UGT1A5: variants seen among roughly 807,000 people sequenced by gnomAD.
The protein encoded by UGT1A5 is UDP-glucuronosyltransferase 1A5.
A neutral mutation model predicts 40.3 loss-of-function variants in UGT1A5; 29 were observed. That is an observed-to-expected ratio of 0.72 (90% CI 0.54 to 0.98). The LOEUF (loss-of-function observed/expected upper bound fraction) is 0.98, where lower values mean the gene tolerates loss of function less well. Ranked by LOEUF, UGT1A5 falls within the 50% of genes least tolerant of loss-of-function variation. The probability of loss-of-function intolerance (pLI) is 0.00; values close to 1 mark genes in which losing one functional copy is unlikely to be tolerated. For synonymous variants in UGT1A5, 257 were observed against 262.5 expected, an observed-to-expected ratio of 0.98 and a Z score of 0.20; for missense variants, 678 against 677.9, an observed-to-expected ratio of 1.00 and a Z score of 0.00.
chr2:233,735,517 G>A (rs2078663232), intron 1 of UGT1A5, among the ~76,000 whole-genome samples: 1 of 152,112 alleles, frequency 6.6e-6, no homozygotes, highest in Non-Finnish European at 1.5e-5. Context: ...TACATTTAAG[G>A]TAAATATTGT....
intron 1 of UGT1A5, chr2:233,747,790 A>G (rs1394158635): frequency 2.0e-5 from 32 of 1,613,372 alleles, no homozygotes; most frequent in Non-Finnish European, 2.6e-5. Flanking sequence ...CCTTCCTCCT[A>G]TATTCCTAAG....
At chr2:233,761,193 A>C (rs764178788) in intron 1 of UGT1A5, 1 of 1,614,148 alleles carries the variant, frequency 6.2e-7, no homozygotes, top group Non-Finnish European at 8.5e-7. Flanking sequence ...ATATTCTTTC[A>C]GATGTATTAC....
chr2:233,767,688 C>T (rs1214650284), intron 2 of UGT1A5, among the ~76,000 whole-genome samples, 161 bp from the exon 3 acceptor site: 2 of 152,144 alleles, frequency 1.3e-5, no homozygotes, highest in Non-Finnish European at 2.9e-5. Context: ...AACAAGATGC[C>T]GGAAGTTGCC....
intron 1 of UGT1A5, chr2:233,747,993 T>G: frequency 6.2e-7 from 1 of 1,613,560 alleles, no homozygotes; most frequent in Non-Finnish European, 8.5e-7. Context: ...CCGAGGGGAC[T>G]TTGTGATGGA....
intron 1 of UGT1A5, among the ~76,000 whole-genome samples, chr2:233,757,643 G>A (rs955610345): frequency 6.7e-6 from 1 of 150,102 alleles, no homozygotes; most frequent in African/African-American, 2.5e-5. Context: ...AGAACAAAAT[G>A]CTGTTTTTCT....
At position 233,769,359 on chromosome 2, in the gene UGT1A5, C is replaced by T. The variant is rs1218131588; in HGVS notation, c.1307+920C>T. 6.6e-6 allele frequency among the ~76,000 whole-genome samples: 1 copy of T among 152,174 alleles called. No individual in the cohort carries two copies. Among genetic ancestry groups the T allele is most frequent in the Non-Finnish European group, 1.5e-5 (1 of 68,040 alleles). On this transcript the variant is annotated intron_variant, in intron 4 of 4. Transcript: ENST00000373414. The surrounding 1 kb of genome is among the most constrained non-coding windows in gnomAD (Gnocchi z 4.4). ...AGAACCTTATGGGAAGAAGTGGTGG[C>T]CAGTGGTAGATTTCATCCGACAATA...
chr2:233,743,573 A>G (rs765598613), intron 1 of UGT1A5: 1 of 1,367,260 alleles, frequency 7.3e-7, no homozygotes, highest in South Asian at 1.1e-5. Context: ...CGGGTTTCCC[A>G]AGAGGTCAAA....
rs753419237 is a variant in UGT1A5, at chr2:233,719,511, T to C, written c.867+5653T>C. The C allele has an allele frequency of 5.6e-6, 9 of 1,613,954 alleles. No individual in the cohort carries two copies. The South Asian group carries it at 8.8e-5, about 16-fold the overall frequency. On this transcript the variant is annotated intron_variant, in intron 1 of 4. Coordinates refer to ENST00000373414, the MANE Select transcript of UGT1A5 (RefSeq NM_019078.2). ...CATTTGCCATACTTTTTCTGCCCCTTATGCAAGTCTTGCCTCTGAGCTTTT... is the reference window on the plus strand; with the variant it reads ...CATTTGCCATACTTTTTCTGCCCCTCATGCAAGTCTTGCCTCTGAGCTTTT...
At chr2:233,764,379 G>A (rs1698547509) in intron 1 of UGT1A5, among the ~76,000 whole-genome samples, 1 of 152,204 alleles carries the variant, frequency 6.6e-6, no homozygotes, top group South Asian at 2.1e-4. Flanking sequence ...TCAGGTAGGA[G>A]TTGGCCGTGA....
At chr2:233,733,344 T>A (rs1194194853) in intron 1 of UGT1A5, among the ~76,000 whole-genome samples, 4 of 152,230 alleles carry the variant, frequency 2.6e-5, no homozygotes, top group African/African-American at 9.6e-5. Flanking sequence ...TCCAACAGTA[T>A]GTTGAGTAGG....
intron 4 of UGT1A5, chr2:233,771,305 T>TC (rs1482676837): frequency 1.3e-5 from 2 of 152,218 alleles, no homozygotes. Context: ...TTCCTCCTCC[T>TC]TTTCCCTCTC....
intron 1 of UGT1A5, chr2:233,747,471 G>A (rs1218539477): frequency 1.9e-5 from 31 of 1,608,712 alleles, no homozygotes; most frequent in Non-Finnish European, 2.4e-5. Context: ...ATGGACCCAG[G>A]ATGAATTTGA....
chr2:233,736,858 C>G (rs2078820819), intron 1 of UGT1A5, among the ~76,000 whole-genome samples: 1 of 152,192 alleles, frequency 6.6e-6, no homozygotes, highest in South Asian at 2.1e-4. Flanking sequence ...GGCTGCAGAA[C>G]AGCAAATATT....
In UGT1A5 at chr2:233,743,578, G is replaced by T. The variant is rs1397276736; in HGVS notation, c.868-23456G>T. The T allele has an allele frequency of 3.7e-6, 5 of 1,367,200 alleles. No homozygotes were observed. The Admixed American group carries it at 9.5e-5, about 26-fold the overall frequency. The allele number at this position is 1,367,200 out of a possible 1,614,324, so 84.7% of individuals were successfully genotyped here. On this transcript the variant is annotated intron_variant, in intron 1 of 4. Transcript: ENST00000373414. ...TATTCTCCAGCGGGTTTCCCAAGAGGTCAAAGGAGAATGGGTCCTGGCCGC... is the reference window on the plus strand; with the variant it reads ...TATTCTCCAGCGGGTTTCCCAAGAGTTCAAAGGAGAATGGGTCCTGGCCGC...
rs927905587 is a variant in UGT1A5 at position 233,772,883 on chromosome 2, C to G, written c.*324C>G. The G allele has an allele frequency of 7.2e-6, 4 of 557,122 alleles. No homozygotes were observed. Among genetic ancestry groups the G allele is most frequent in the Admixed American group, 7.5e-5 (2 of 26,828 alleles). 34.5% of individuals were successfully genotyped at this position (557,122 alleles called of 1,614,324 possible). Reference sequence around the variant, plus strand: ...ATGGCCTGTTTGGGAGTGCGGGATTCAAAGGTGGTCCCACGGCTGCCCCTA... The same window carrying G: ...ATGGCCTGTTTGGGAGTGCGGGATTGAAAGGTGGTCCCACGGCTGCCCCTA... On this transcript the variant is annotated 3_prime_UTR_variant, in exon 5 of 5. Transcript: ENST00000373414.
chr2:233,753,691 A>T (rs900061019), intron 1 of UGT1A5: 1 of 152,228 alleles, frequency 6.6e-6, no homozygotes, highest in African/African-American at 2.4e-5. Context: ...ACAATATTAC[A>T]GATGCACTTG....
chr2:233,724,904 G>C (rs1208234337), intron 1 of UGT1A5, among the ~76,000 whole-genome samples: 2 of 139,120 alleles, frequency 1.4e-5, no homozygotes. Context: ...TCCAGCCTGG[G>C]CACCATTGAG....
rs756280025 is a variant in UGT1A5, at chr2:233,723,536, T to TAA, written c.867+9679_867+9680dup. 2.4e-4 allele frequency among the ~76,000 whole-genome samples: 29 copies of TAA among 121,476 alleles called. 1 individual carries two copies. Among genetic ancestry groups the TAA allele is most frequent in the South Asian group, 1.3e-3 (4 of 3,196 alleles). The allele number at this position is 121,476 out of a possible 152,430, so 79.7% of individuals were successfully genotyped here. ...ACAATCTTTTTTTTTTTTTTTTTTTTAATTTATTTTTTTATTGATAATTCT... is the reference window on the plus strand; with the variant it reads ...ACAATCTTTTTTTTTTTTTTTTTTTTAAAATTTATTTTTTTATTGATAATTCT... On this transcript the variant is annotated intron_variant, in intron 1 of 4. Transcript: ENST00000373414.
chr2:233,729,421 C>T (rs1041783998), intron 1 of UGT1A5: 2 of 1,613,652 alleles, frequency 1.2e-6, no homozygotes, highest in Non-Finnish European at 1.7e-6. Context: ...CCACACTCAA[C>T]TGTACTTTGA....
Sources: allele counts gnomAD v4.1 joint callset (sites outside exome capture counted in the v4.1 genomes callset), GRCh38; gene constraint gnomAD v4.1.1; non-coding constraint Gnocchi (gnomAD v3.1); transcripts MANE v1.5; gene names NCBI Gene and HGNC (gene_info 2026-07-23, HGNC 2026-07-21).